USH2A: variants seen among roughly 807,000 people sequenced by gnomAD.
USH2A encodes the protein Usher syndrome 2A (autosomal recessive, mild).
A neutral mutation model predicts 538.9 loss-of-function variants in USH2A; 443 were observed. That is an observed-to-expected ratio of 0.82 (90% CI 0.76 to 0.89). The LOEUF (loss-of-function observed/expected upper bound fraction) is 0.89. Ranked by LOEUF, USH2A falls within the 40% of genes least tolerant of loss-of-function variation. USH2A has a pLI of 0.00. For synonymous variants in USH2A, 2,413 were observed against 2,273.5 expected (o/e 1.06, Z -1.75); for missense variants, 6,633 against 6,324.8 (o/e 1.05, Z -1.65).
intron 38 of USH2A, among the ~76,000 whole-genome samples, chr1:215,931,882 T>C (rs1469186657): frequency 6.6e-6 from 1 of 151,912 alleles, no homozygotes; most frequent in Non-Finnish European, 1.5e-5. Flanking sequence ...AAAGGCCCTA[T>C]CTCAGCCTCT....
intron 35 of USH2A, among the ~76,000 whole-genome samples, chr1:215,988,023 C>CT (rs200412010): frequency 0.014 from 2,130 of 151,722 alleles, 35 homozygotes; most frequent in African/African-American, 0.049. Context: ...CTCTCTGTAT[C>CT]TTTTTTTTAT....
chr1:216,031,297 G>A (rs1417182766), intron 32 of USH2A, among the ~76,000 whole-genome samples: 1 of 152,034 alleles, frequency 6.6e-6, no homozygotes, highest in African/African-American at 2.4e-5. Context: ...ATGGTTGTAG[G>A]CTTAGTATCT....
chr1:215,875,925 T>A (rs1484024741), intron 43 of USH2A, among the ~76,000 whole-genome samples: 2 of 136,100 alleles, frequency 1.5e-5, no homozygotes, highest in South Asian at 4.9e-4. Flanking sequence ...TAATATATAT[T>A]GATTATTATA....
At chr1:216,062,709 G>A (rs995775147) in intron 30 of USH2A, among the ~76,000 whole-genome samples, 1 of 152,106 alleles carries the variant, frequency 6.6e-6, no homozygotes, top group Non-Finnish European at 1.5e-5. Flanking sequence ...GGCGGAATTT[G>A]ACCTTAGATT....
intron 20 of USH2A, among the ~76,000 whole-genome samples, chr1:216,181,393 G>C (rs2034491668): frequency 6.6e-6 from 1 of 152,072 alleles, no homozygotes. Context: ...GCCAGCAGGA[G>C]CCCCTCTGGT....
In USH2A at chr1:215,648,684, G is replaced by A. The variant is rs770553471; in HGVS notation, c.14426C>T (p.Thr4809Ile). 30 of 1,614,098 alleles carry A rather than the reference G, an allele frequency of 1.9e-5. No homozygotes were observed. Among genetic ancestry groups the A allele is most frequent in the African/African-American group, 2.7e-5 (2 of 74,932 alleles). ...TCCTTTGCTGCAACAGTTGAAGCAG[G>A]TGCAGGCCTCTACTCCAATAGAGTA... is the stretch of plus-strand genomic sequence containing the variant. Reference protein sequence around the residue: ...TNYSIGVEACTCFNCCSKGPT... With the variant: ...TNYSIGVEACICFNCCSKGPT... Residue 4809 changes from threonine (T) to isoleucine (I), a missense_variant, in exon 66 of 72, where the codon ACC becomes ATC. Transcript: ENST00000307340.
intron 61 of USH2A, among the ~76,000 whole-genome samples, chr1:215,701,645 G>C (rs1446498898): frequency 6.6e-6 from 1 of 152,004 alleles, no homozygotes; most frequent in African/African-American, 2.4e-5. Context: ...TGCAACCCCT[G>C]CTTTTTTTGC....
chr1:216,013,211 G>T (rs990762562), intron 32 of USH2A, among the ~76,000 whole-genome samples: 2 of 151,138 alleles, frequency 1.3e-5, no homozygotes, highest in South Asian at 4.2e-4. Flanking sequence ...CTGTATCCAG[G>T]CCATCACCAA....
chr1:216,350,736 T>A (rs1027921154), intron 4 of USH2A, among the ~76,000 whole-genome samples: 2 of 152,120 alleles, frequency 1.3e-5, no homozygotes, highest in African/African-American at 4.8e-5. Flanking sequence ...TGGCACTGAG[T>A]GCCTGCAGTT....
intron 46 of USH2A, among the ~76,000 whole-genome samples, chr1:215,839,618 C>T (rs959518179): frequency 6.6e-6 from 1 of 152,078 alleles, no homozygotes; most frequent in African/African-American, 2.4e-5. Flanking sequence ...TGCTGGTAGC[C>T]AGATGATTAT....
chr1:216,319,822 A>C (rs534534483), intron 9 of USH2A, among the ~76,000 whole-genome samples: 1 of 152,208 alleles, frequency 6.6e-6, no homozygotes, highest in Non-Finnish European at 1.5e-5. Context: ...AGAAGACAGA[A>C]ATGGAATTTG....
At chr1:215,987,701 C>T (rs78913722) in intron 35 of USH2A, among the ~76,000 whole-genome samples, 8,613 of 152,230 alleles carry the variant, frequency 0.057, 854 homozygotes, top group African/African-American at 0.2. Flanking sequence ...ATAGCAAAAA[C>T]CACAGAAATG....
chr1:216,059,581 T>G (rs926957143), intron 30 of USH2A, among the ~76,000 whole-genome samples: 5 of 152,200 alleles, frequency 3.3e-5, no homozygotes, highest in African/African-American at 1.2e-4. Context: ...CTTTTTTACT[T>G]TTTCCTCCAT....
chr1:215,780,099 C>T, intron 54 of USH2A, 58 bp from the exon 55 acceptor site: 6 of 1,574,054 alleles, frequency 3.8e-6, no homozygotes, highest in Non-Finnish European at 5.2e-6. Flanking sequence ...CTATCCTGAT[C>T]AATGAGAATG....
intron 13 of USH2A, among the ~76,000 whole-genome samples, chr1:216,245,057 G>GA (rs2036010078): frequency 6.6e-6 from 1 of 151,900 alleles, no homozygotes; most frequent in African/African-American, 2.4e-5. Context: ...CACTAAAAGA[G>GA]AAAAAAACAT....
chr1:215,806,791 C>A (rs1662516039), intron 49 of USH2A, among the ~76,000 whole-genome samples: 1 of 152,028 alleles, frequency 6.6e-6, no homozygotes, highest in Non-Finnish European at 1.5e-5. Flanking sequence ...AGTTCCCAAC[C>A]CTAATATCAT....
In USH2A at chr1:215,845,994, A is replaced by G. The variant is rs1016491364; in HGVS notation, c.8885T>C (p.Leu2962Pro). 1.2e-6 allele frequency: 2 copies of G among 1,613,892 alleles called. No individual in the cohort carries two copies. The highest frequency in any genetic ancestry group is 2.2e-5 in the East Asian group (1 of 44,866). ...DLQGEVEYYT[L>P]FWSSATSNDS... ...GTTTGAGGTAGCAGAACTCCAAAAA[A>G]GTGTGTAATATTCAACTTCACCTTG... Residue 2962 changes from leucine (L) to proline (P), a missense_variant, in exon 45 of 72, where the codon CTT becomes CCT. Transcript: ENST00000307340.
intron 3 of USH2A, among the ~76,000 whole-genome samples, chr1:216,414,638 C>T (rs1003947181): frequency 3.9e-5 from 6 of 152,028 alleles, no homozygotes; most frequent in Admixed American, 1.3e-4. Flanking sequence ...CAGGTATAAG[C>T]TAACCAGTAA....
chr1:215,705,565 G>C (rs1659160859), intron 61 of USH2A, among the ~76,000 whole-genome samples: 1 of 152,196 alleles, frequency 6.6e-6, no homozygotes, highest in Non-Finnish European at 1.5e-5. Context: ...AAATCAATGA[G>C]ATTTCTGTTC....
Sources: allele counts gnomAD v4.1 joint callset (sites outside exome capture counted in the v4.1 genomes callset), GRCh38; gene constraint gnomAD v4.1.1; transcripts MANE v1.5; gene names NCBI Gene and HGNC (gene_info 2026-07-23, HGNC 2026-07-21).